VAV3: variants seen among roughly 807,000 people sequenced by gnomAD.
The protein encoded by VAV3 is guanine nucleotide exchange factor VAV3.
VAV3 carries 94 observed loss-of-function variants against 131.2 expected under a neutral mutation model. That is an observed-to-expected ratio of 0.72 (90% CI 0.61 to 0.85). The LOEUF (loss-of-function observed/expected upper bound fraction) is 0.85, where lower values mean the gene tolerates loss of function less well. Ranked by LOEUF, VAV3 falls within the 40% of genes least tolerant of loss-of-function variation. The pLI, the probability that VAV3 is intolerant of heterozygous loss-of-function variation, is 0.00. For missense variants in VAV3, 939 were observed against 1,002.7 expected (o/e 0.94, Z 0.86); for synonymous variants, 349 against 342.0 (o/e 1.02, Z -0.22).
chr1:107,643,533 G>A (rs992620448), intron 19 of VAV3, among the ~76,000 whole-genome samples: 2 of 152,124 alleles, frequency 1.3e-5, no homozygotes, highest in Non-Finnish European at 2.9e-5. Flanking sequence ...ATTTACAGGT[G>A]AAACTGCTCC....
At chr1:107,809,518 G>A (rs540494638) in intron 2 of VAV3, among the ~76,000 whole-genome samples, 34 of 152,164 alleles carry the variant, frequency 2.2e-4, no homozygotes, top group African/African-American at 7.2e-4. Context: ...TTTTATGAGC[G>A]TTTATAATGT....
rs987857361 is a variant in VAV3, at chr1:107,795,552, C to T, written c.322-16060G>A. On this transcript the variant is annotated intron_variant, in intron 2 of 26. Coordinates refer to ENST00000370056, the MANE Select transcript of VAV3 (RefSeq NM_006113.5). Reference sequence around the variant, plus strand: ...TCCCCCCAGGAAAAAAAATGAATGCCCTGTCAAAATATGGCATATGTAAGA... The same window carrying T: ...TCCCCCCAGGAAAAAAAATGAATGCTCTGTCAAAATATGGCATATGTAAGA... 1.1e-4 allele frequency among the ~76,000 whole-genome samples: 16 copies of T among 152,042 alleles called. 1 individual carries two copies. The highest frequency in any genetic ancestry group is 9.8e-4 in the Admixed American group (15 of 15,254).
In VAV3 at chr1:107,680,340, G is replaced by A. The variant is rs189210404; in HGVS notation, c.1777+3148C>T. 2.2e-4 allele frequency among the ~76,000 whole-genome samples: 34 copies of A among 152,152 alleles called. No homozygotes were observed. In the East Asian group the frequency reaches 2.9e-3, roughly 13 times the overall value. On this transcript the variant is annotated intron_variant, in intron 19 of 26. Transcript: ENST00000370056. ...AATAACAACAAATCTGAAAATGACT[G>A]TGATTATGTAGCTTCTTATTTCAAC...
intron 4 of VAV3, among the ~76,000 whole-genome samples, chr1:107,775,183 C>T (rs1004956164): frequency 2.7e-5 from 4 of 150,906 alleles, no homozygotes; most frequent in Non-Finnish European, 5.9e-5. Context: ...AATGCATCCT[C>T]ACTGGATTTA....
intron 4 of VAV3, among the ~76,000 whole-genome samples, chr1:107,774,744 C>T (rs1665241530): frequency 6.6e-6 from 1 of 152,166 alleles, no homozygotes; most frequent in African/African-American, 2.4e-5. Context: ...ATTGCCTCCA[C>T]AGTGGGGACC....
intron 20 of VAV3, among the ~76,000 whole-genome samples, chr1:107,642,404 T>C (rs996744232): frequency 6.6e-6 from 1 of 152,178 alleles, no homozygotes; most frequent in Non-Finnish European, 1.5e-5. Context: ...CCACCCCTTG[T>C]TTAATATTTC....
chr1:107,750,079 T>C (rs373990124), intron 13 of VAV3, among the ~76,000 whole-genome samples: 1 of 152,328 alleles, frequency 6.6e-6, no homozygotes, highest in South Asian at 2.1e-4. Flanking sequence ...GAAGGTATCA[T>C]TGCCATCTTC....
chr1:107,800,833 C>A (rs1189522503), intron 2 of VAV3, among the ~76,000 whole-genome samples: 2 of 151,906 alleles, frequency 1.3e-5, no homozygotes, highest in African/African-American at 2.4e-5. Context: ...TTATATAATC[C>A]TATTTGTCTA....
At chr1:107,749,780 A>G (rs1217239997) in intron 13 of VAV3, among the ~76,000 whole-genome samples, 186 bp from the exon 14 acceptor site, 2 of 152,200 alleles carry the variant, frequency 1.3e-5, no homozygotes, top group Admixed American at 1.3e-4. Context: ...TTTACCTTGT[A>G]AATGGCCTCA....
chr1:107,610,513 A>C (rs1652646714), intron 21 of VAV3, among the ~76,000 whole-genome samples: 1 of 152,160 alleles, frequency 6.6e-6, no homozygotes, highest in African/African-American at 2.4e-5. Flanking sequence ...CAAAATAAAC[A>C]ATATACACTG....
intron 19 of VAV3, among the ~76,000 whole-genome samples, chr1:107,650,017 G>A (rs1037363307): frequency 1.3e-5 from 2 of 152,076 alleles, no homozygotes; most frequent in African/African-American, 2.4e-5. Context: ...TTATTTAAGG[G>A]TAGGCCATCA....
chr1:107,707,496 G>C (rs1332207345), intron 15 of VAV3, among the ~76,000 whole-genome samples: 1 of 152,190 alleles, frequency 6.6e-6, no homozygotes, highest in African/African-American at 2.4e-5. Context: ...TTTATGAAGT[G>C]CTGATTCCAA....
At chr1:107,937,579 T>A (rs960715278) in intron 1 of VAV3, among the ~76,000 whole-genome samples, 2 of 152,242 alleles carry the variant, frequency 1.3e-5, no homozygotes, top group African/African-American at 4.8e-5. Context: ...GGAATACCTA[T>A]AACTGCTTCT....
intron 21 of VAV3, among the ~76,000 whole-genome samples, chr1:107,611,617 CA>C (rs1185206313): frequency 2.1e-4 from 29 of 140,044 alleles, no homozygotes; most frequent in Admixed American, 2.8e-4. Context: ...AACAAACAAA[CA>C]AACAAAAAAA....
chr1:107,651,104 A>G (rs1054321219), intron 19 of VAV3, among the ~76,000 whole-genome samples: 1 of 152,070 alleles, frequency 6.6e-6, no homozygotes, highest in Non-Finnish European at 1.5e-5. Context: ...CACCCCATCT[A>G]CCACGTGAGA....
chr1:107,685,842 T>C (rs1279399721), intron 18 of VAV3: 1 of 151,730 alleles, frequency 6.6e-6, no homozygotes, highest in Non-Finnish European at 1.5e-5. Context: ...CCAATCTATA[T>C]TCTCAAAAGT....
rs866276331 is a variant in VAV3 at position 107,658,004 on chromosome 1, A to G, written c.1778-15249T>C. The stretch of plus-strand genomic sequence containing the variant: ...ATTTTGGCATAGAATTTATATGAGG[A>G]TGTAAACATTTCAATAAATGCCATT... On this transcript the variant is annotated intron_variant, in intron 19 of 26. Transcript: ENST00000370056. Among the ~76,000 whole-genome samples, 9 of 152,336 alleles carry G rather than the reference A, an allele frequency of 5.9e-5. 1 individual carries two copies. In the Middle Eastern group the frequency reaches 0.01, roughly 173 times the overall value.
At chr1:107,923,322 T>G (rs924262857) in intron 1 of VAV3, among the ~76,000 whole-genome samples, 1 of 152,148 alleles carries the variant, frequency 6.6e-6, no homozygotes, top group East Asian at 1.9e-4. Flanking sequence ...TGAAGGTTTG[T>G]GTCTTCCTCC....
chr1:107,789,342 A>C (rs1666171369), intron 2 of VAV3, among the ~76,000 whole-genome samples: 1 of 152,208 alleles, frequency 6.6e-6, no homozygotes, highest in Non-Finnish European at 1.5e-5. Flanking sequence ...TCTCAGAAAG[A>C]AAAGGCCAGA....
Sources: gnomAD v4.1 joint callset for allele counts (sites outside exome capture counted in the v4.1 genomes callset) on GRCh38, gnomAD v4.1.1 for gene constraint, MANE v1.5 for transcripts, NCBI Gene and HGNC (gene_info 2026-07-23, HGNC 2026-07-21) for gene names.